Variants in RMDN2 observed in about 807,000 individuals in gnomAD.
RMDN2 encodes the protein regulator of microtubule dynamics 2.
In RMDN2, 61 loss-of-function variants were observed where a neutral mutation model predicts 52.8. The ratio of observed to expected loss-of-function variants is 1.16; its 90% CI spans 0.94 to 1.43. RMDN2 has a LOEUF of 1.43. Ranked by LOEUF, RMDN2 falls within the 40% of genes most tolerant of loss-of-function variation. The pLI, the probability that RMDN2 is intolerant of heterozygous loss-of-function variation, is 0.00. For synonymous variants in RMDN2, 180 were observed against 153.1 expected (o/e 1.18, Z -1.30); for missense variants, 592 against 475.3 (o/e 1.25, Z -2.28).
intron 10 of RMDN2, among the ~76,000 whole-genome samples, chr2:38,007,777 A>G (rs1677331864): frequency 6.6e-6 from 1 of 150,596 alleles, no homozygotes; most frequent in Non-Finnish European, 1.5e-5. Context: ...TTGCTTCTCT[A>G]GTTCTTTTAA....
intron 7 of RMDN2, among the ~76,000 whole-genome samples, chr2:37,996,761 A>G (rs1309309247): frequency 1.3e-5 from 2 of 152,152 alleles, no homozygotes; most frequent in Non-Finnish European, 1.5e-5. Flanking sequence ...AACATCTAAT[A>G]TTTATATTTG....
intron 10 of RMDN2, among the ~76,000 whole-genome samples, chr2:38,065,378 A>T (rs1682229653): frequency 6.6e-6 from 1 of 151,088 alleles, no homozygotes. Context: ...ATAAATTTTA[A>T]AAAAAAAAAG....
At position 38,055,871 on chromosome 2, in the gene RMDN2, T is replaced by C. The variant is rs80121788; in HGVS notation, c.1714-11111T>C. On this transcript the variant is annotated intron_variant, in intron 10 of 10. Transcript: ENST00000234195. ...TTGATTTAGGCTAGTCAGGATTTAC[T>C]GTGAGTTGAGACAGAGTCATCTTCC... Among the ~76,000 whole-genome samples the C allele has an allele frequency of 7.2e-4, 110 of 152,294 alleles. 1 individual carries two copies. The South Asian group carries it at 0.011, about 16-fold the overall frequency.
chr2:37,928,002 G>A (rs190518573), intron 1 of RMDN2, among the ~76,000 whole-genome samples: 2 of 152,248 alleles, frequency 1.3e-5, no homozygotes, highest in East Asian at 3.9e-4. Context: ...ATTTCTGTGA[G>A]GTAAAGCAGG....
chr2:38,023,492 A>G (rs1558566019), intron 10 of RMDN2, among the ~76,000 whole-genome samples: 3 of 152,078 alleles, frequency 2.0e-5, no homozygotes, highest in African/African-American at 7.2e-5. Flanking sequence ...TGTATCTTTT[A>G]TTTTTTTCAT....
In RMDN2 at chr2:37,999,791, T is replaced by TGTGTCTCTAG. The variant is rs538772850; in HGVS notation, c.1044+2278_1044+2287dup. Among the ~76,000 whole-genome samples the TGTGTCTCTAG allele has an allele frequency of 1.6e-3, 238 of 152,216 alleles. 3 individuals are homozygous for TGTGTCTCTAG. The highest frequency in any genetic ancestry group is 5.0e-3 in the African/African-American group (207 of 41,524). The stretch of plus-strand genomic sequence containing the variant: ...AAAGAGCGTTCACAGGGGCCAGGAA[T>TGTGTCTCTAG]GTGTCTCTAGAGCCATCCAGCTGGA... On this transcript the variant is annotated intron_variant, in intron 8 of 10. Transcript: ENST00000354545.
rs1678948858 is a variant in RMDN2, at chr2:38,017,374, C to T, written c.*135C>T. 1 of 1,391,612 alleles carries T rather than the reference C, an allele frequency of 7.2e-7. No individual in the cohort carries two copies. The highest frequency in any genetic ancestry group is 9.4e-7 in the Non-Finnish European group (1 of 1,066,468). 86.2% of individuals were successfully genotyped at this position (1,391,612 alleles called of 1,614,324 possible). ...ATTTGAAGGTAAAGCCATGTTTCTG[C>T]AGAATGCATTCCACTAGTAGCACTA... is the stretch of plus-strand genomic sequence containing the variant. On this transcript the variant is annotated 3_prime_UTR_variant, in exon 11 of 11. Transcript: ENST00000354545.
At chr2:37,939,656 C>G (rs1449597438) in intron 2 of RMDN2, among the ~76,000 whole-genome samples, 1 of 151,904 alleles carries the variant, frequency 6.6e-6, no homozygotes, top group Non-Finnish European at 1.5e-5. Context: ...TGCCCTTCGT[C>G]TTTTTTGATG....
chr2:37,993,105 A>G lies in RMDN2; in HGVS notation c.945+1808A>G, dbSNP rs77634191. Among the ~76,000 whole-genome samples, 137 of 152,066 alleles carry G rather than the reference A, an allele frequency of 9.0e-4. 2 individuals are homozygous for G. The East Asian group carries it at 0.022, about 25-fold the overall frequency. On this transcript the variant is annotated intron_variant, in intron 7 of 10. Coordinates refer to ENST00000354545, the MANE Select transcript of RMDN2 (RefSeq NM_001170791.3). ...ATTTTTTTATTTTATTTTTATTTTT[A>G]GTAGAGACGGAGTTTCGCCATGTTG...
chr2:37,941,317 G>A (rs1446819801), intron 2 of RMDN2, among the ~76,000 whole-genome samples: 1 of 152,226 alleles, frequency 6.6e-6, no homozygotes, highest in Non-Finnish European at 1.5e-5. Flanking sequence ...TCTCCTGTGC[G>A]AGATGTCTGT....
At chr2:37,995,081 T>C (rs903519446) in intron 7 of RMDN2, among the ~76,000 whole-genome samples, 2 of 152,154 alleles carry the variant, frequency 1.3e-5, no homozygotes, top group South Asian at 2.1e-4. Context: ...TACAGGATTG[T>C]ATGCATTTGT....
intron 10 of RMDN2, among the ~76,000 whole-genome samples, chr2:38,031,265 T>C (rs1185264373): frequency 1.4e-5 from 2 of 146,058 alleles, no homozygotes; most frequent in Admixed American, 1.4e-4. Flanking sequence ...CCTTTTTTTT[T>C]TTTTTTTTTT....
chr2:38,017,222 A>G lies in RMDN2; in HGVS notation c.1216A>G (p.Thr406Ala). 6.5e-7 allele frequency: 1 copy of G among 1,534,270 alleles called. No individual in the cohort carries two copies. The highest frequency in any genetic ancestry group is 8.8e-7 in the Non-Finnish European group (1 of 1,138,294). The change falls in exon 11 of 11, where the codon ACT becomes GCT. Residue 406 changes from threonine to alanine, a missense_variant. Thr to Ala is a moderately conservative substitution (Grantham distance 58). Transcript: ENST00000354545. Reference sequence around the variant, plus strand: ...ACAGAAAGAGATGCAAAAAATAATGACTTCCTTGAAGAGGTAAATAAACGA... The same window carrying G: ...ACAGAAAGAGATGCAAAAAATAATGGCTTCCTTGAAGAGGTAAATAAACGA... ...EAQKEMQKIM[T>A]SLKR
At chr2:37,974,287 C>T in intron 3 of RMDN2, 73 bp downstream of exon 3, 1 of 971,082 alleles carries the variant, frequency 1.0e-6, no homozygotes, top group Non-Finnish European at 1.5e-6. Flanking sequence ...TCAGTTATAA[C>T]TATAATAATT....
chr2:38,062,775 C>A (rs1390728939), intron 10 of RMDN2, among the ~76,000 whole-genome samples: 12 of 120,274 alleles, frequency 1.0e-4, no homozygotes, highest in Non-Finnish European at 1.4e-4. Flanking sequence ...CCCTTCCCCC[C>A]CCCCACAACA....
downstream of RMDN2, among the ~76,000 whole-genome samples, chr2:38,018,405 T>C (rs944788810): frequency 9.2e-5 from 14 of 152,368 alleles, no homozygotes; most frequent in African/African-American, 2.9e-4. Flanking sequence ...ATTAAATCTT[T>C]AGTCATGGAA....
chr2:37,983,330 C>T (rs1673576558), intron 5 of RMDN2, among the ~76,000 whole-genome samples: 1 of 152,182 alleles, frequency 6.6e-6, no homozygotes, highest in African/African-American at 2.4e-5. Flanking sequence ...ATAGATGATG[C>T]TGAACTCTGG....
At position 37,927,823 on chromosome 2, in the gene RMDN2, T is replaced by C. The variant is rs145838923; in HGVS notation, c.-16-1439T>C. The stretch of plus-strand genomic sequence containing the variant: ...TTTGTGATACAATTTTTTTGTAGAA[T>C]ACATTTACACATCTAGCAATAATTA... On this transcript the variant is annotated intron_variant, in intron 1 of 10. Coordinates refer to ENST00000354545, the MANE Select transcript of RMDN2 (RefSeq NM_001170791.3). 2.5e-3 allele frequency among the ~76,000 whole-genome samples: 382 copies of C among 152,352 alleles called. 1 individual carries two copies. The highest frequency in any genetic ancestry group is 8.6e-3 in the African/African-American group (358 of 41,582).
In RMDN2 at chr2:37,938,562, C is replaced by G. The variant is rs145252491; in HGVS notation, c.452+8833C>G. On this transcript the variant is annotated intron_variant, in intron 2 of 10. Coordinates refer to ENST00000354545, the MANE Select transcript of RMDN2 (RefSeq NM_001170791.3). ...GTTGGTAGGCTATTAAGTACTGCCTCAATTTCAGAACTTGTTATTGGTCTA... is the reference window on the plus strand; with the variant it reads ...GTTGGTAGGCTATTAAGTACTGCCTGAATTTCAGAACTTGTTATTGGTCTA... Among the ~76,000 whole-genome samples, 852 of 152,292 alleles carry G rather than the reference C, an allele frequency of 5.6e-3. 12 individuals are homozygous for G. Among genetic ancestry groups the G allele is most frequent in the East Asian group, 0.036 (189 of 5,182 alleles).
Sources: allele counts gnomAD v4.1 joint callset (sites outside exome capture counted in the v4.1 genomes callset), GRCh38; gene constraint gnomAD v4.1.1; transcripts MANE v1.5; gene names NCBI Gene and HGNC (gene_info 2026-07-23, HGNC 2026-07-21).